Variants in RABGAP1L observed in about 807,000 individuals in gnomAD.
RABGAP1L encodes rab GTPase-activating protein 1-like.
In RABGAP1L, 63 loss-of-function variants were observed where a neutral mutation model predicts 137.7. That is an observed-to-expected ratio of 0.46 (90% CI 0.37 to 0.56). The LOEUF (loss-of-function observed/expected upper bound fraction) is 0.56, where lower values mean the gene tolerates loss of function less well. Among genes scored for constraint, RABGAP1L ranks in the 20% least tolerant of loss-of-function variants. The pLI is 0.00. For missense variants in RABGAP1L, 1,095 were observed against 1,244.0 expected, an observed-to-expected ratio of 0.88 and a Z score of 1.80; for synonymous variants, 431 against 433.7, an observed-to-expected ratio of 0.99 and a Z score of 0.08.
chr1:174,221,764 C>T (rs967812520), intron 3 of RABGAP1L, among the ~76,000 whole-genome samples: 1 of 152,244 alleles, frequency 6.6e-6, no homozygotes, highest in South Asian at 2.1e-4. Context: ...CAGCTCTGAT[C>T]TTGTCTATGT....
Position 174,413,286 on chromosome 1 carries a change from A to C in RABGAP1L, c.1710+19141A>C, listed in dbSNP as rs536616915. On this transcript the variant is annotated intron_variant, in intron 13 of 25. Transcript: ENST00000681986. ...TTCAATTGTATTTTGAAATTCCTTA[A>C]GTGAATTTTTTAATGACTGAAGCTG... Among the ~76,000 whole-genome samples the C allele has an allele frequency of 2.0e-5, 3 of 152,228 alleles. No individual in the cohort carries two copies. In the East Asian group the frequency reaches 5.8e-4, roughly 29 times the overall value.
chr1:174,380,392 A>C (rs1686019783), intron 12 of RABGAP1L, among the ~76,000 whole-genome samples: 1 of 151,722 alleles, frequency 6.6e-6, no homozygotes, highest in African/African-American at 2.4e-5. Flanking sequence ...CCTCTGGTAG[A>C]ATTCGGCTGT....
chr1:174,550,987 T>TATATACAC (rs1666457721), intron 13 of RABGAP1L, among the ~76,000 whole-genome samples: 1 of 99,046 alleles, frequency 1.0e-5, no homozygotes, highest in Admixed American at 9.9e-5. Context: ...TATATACATA[T>TATATACAC]ATATATATAC....
chr1:174,499,712 A>C (rs1006720643), intron 13 of RABGAP1L, among the ~76,000 whole-genome samples: 2 of 152,180 alleles, frequency 1.3e-5, no homozygotes, highest in African/African-American at 4.8e-5. Context: ...AGTGCCTGGC[A>C]CTTATTGAGG....
At chr1:174,527,862 C>T (rs1664036374) in intron 13 of RABGAP1L, among the ~76,000 whole-genome samples, 1 of 149,462 alleles carries the variant, frequency 6.7e-6, no homozygotes, top group Admixed American at 6.6e-5. Flanking sequence ...ATCCTCTTAT[C>T]CTCCTCCTGG....
Position 174,185,289 on chromosome 1 carries a change from A to G in RABGAP1L, c.-34+25632A>G, listed in dbSNP as rs184789727. Among the ~76,000 whole-genome samples, 603 of 152,364 alleles carry G rather than the reference A, an allele frequency of 4.0e-3. 3 individuals carry two copies. Among genetic ancestry groups the G allele is most frequent in the Non-Finnish European group, 6.1e-3 (418 of 68,030 alleles). On this transcript the variant is annotated intron_variant, in intron 1 of 25. Transcript: ENST00000681986. Reference sequence around the variant, plus strand: ...AAAATCTACCGGTTAGGGATCATTCAGTAAGCAAGTAAATATACCAACTGA... The same window carrying G: ...AAAATCTACCGGTTAGGGATCATTCGGTAAGCAAGTAAATATACCAACTGA...
chr1:174,577,454 C>T (rs1423686509), intron 13 of RABGAP1L, among the ~76,000 whole-genome samples: 1 of 151,982 alleles, frequency 6.6e-6, no homozygotes, highest in South Asian at 2.1e-4. Flanking sequence ...GTGCTTAGAA[C>T]AGTACCTGGC....
At chr1:174,662,426 T>A (rs1376713879) in intron 14 of RABGAP1L, among the ~76,000 whole-genome samples, 1 of 150,414 alleles carries the variant, frequency 6.6e-6, no homozygotes, top group Non-Finnish European at 1.5e-5. Flanking sequence ...TGTTTGTTTG[T>A]TTGTTTTTGA....
chr1:174,283,190 G>T lies in RABGAP1L; in HGVS notation c.1323+4411G>T, dbSNP rs569926256. The stretch of plus-strand genomic sequence containing the variant: ...GGTTGAGGCAGGAGGATCACTTGAG[G>T]CCAGGAGTTTGAGACCAGCCTAGGC... On this transcript the variant is annotated intron_variant, in intron 10 of 25. Transcript: ENST00000681986. Among the ~76,000 whole-genome samples the T allele has an allele frequency of 2.0e-5, 3 of 151,912 alleles. No homozygotes were observed. The East Asian group carries it at 5.9e-4, about 30-fold the overall frequency.
intron 19 of RABGAP1L, among the ~76,000 whole-genome samples, chr1:174,812,274 A>G (rs1042690921): frequency 3.9e-5 from 6 of 152,214 alleles, no homozygotes; most frequent in African/African-American, 1.4e-4. Flanking sequence ...AGCTTTTGCC[A>G]TCTGTTTTAA....
At chr1:174,812,977 G>C (rs1007092314) in intron 19 of RABGAP1L, among the ~76,000 whole-genome samples, 2 of 152,198 alleles carry the variant, frequency 1.3e-5, no homozygotes, top group African/African-American at 4.8e-5. Context: ...GGAGTGAAGT[G>C]AATGAAATGG....
In RABGAP1L at chr1:174,981,909, T is replaced by C. The variant is rs193253410; in HGVS notation, c.2734-925T>C. ...TTTGCATACTTTTTTTTCCACTTGA[T>C]TGCTATAGCACAGCACTTTTCAATC... is the stretch of plus-strand genomic sequence containing the variant. On this transcript the variant is annotated intron_variant, in intron 23 of 25. Coordinates refer to ENST00000681986, the MANE Select transcript of RABGAP1L (RefSeq NM_001366446.1). Among the ~76,000 whole-genome samples, 3 of 152,290 alleles carry C rather than the reference T, an allele frequency of 2.0e-5. No homozygotes were observed. The East Asian group carries it at 5.8e-4, about 29-fold the overall frequency.
At chr1:174,326,311 C>G (rs977861247) in intron 11 of RABGAP1L, among the ~76,000 whole-genome samples, 12 of 152,040 alleles carry the variant, frequency 7.9e-5, no homozygotes, top group African/African-American at 2.9e-4. Context: ...TTCTAGAAAA[C>G]AGAAACAATT....
At chr1:174,200,696 C>T (rs1314031577) in intron 1 of RABGAP1L, among the ~76,000 whole-genome samples, 1 of 152,142 alleles carries the variant, frequency 6.6e-6, no homozygotes, top group East Asian at 1.9e-4. Flanking sequence ...GGATTGAGAT[C>T]ATGTTTGTTT....
intron 13 of RABGAP1L, among the ~76,000 whole-genome samples, chr1:174,396,098 A>G (rs754231031): frequency 2.0e-5 from 3 of 152,180 alleles, no homozygotes; most frequent in Non-Finnish European, 4.4e-5. Context: ...TTATTTTTAT[A>G]TAAAATGTTT....
intron 20 of RABGAP1L, among the ~76,000 whole-genome samples, chr1:174,967,192 C>T (rs1423789120): frequency 1.1e-4 from 16 of 146,606 alleles, no homozygotes; most frequent in African/African-American, 3.8e-4. Flanking sequence ...GACACAGGTT[C>T]TCACTCTGTC....
At chr1:174,278,592 C>T (rs189881403) in intron 9 of RABGAP1L, 21 bp from the exon 10 acceptor site, 3 of 1,588,868 alleles carry the variant, frequency 1.9e-6, no homozygotes, top group South Asian at 2.3e-5. Context: ...TCGCATAAAA[C>T]CCAGAAAATT....
intron 14 of RABGAP1L, among the ~76,000 whole-genome samples, chr1:174,668,837 G>T (rs1195532407): frequency 6.6e-6 from 1 of 152,050 alleles, no homozygotes; most frequent in Non-Finnish European, 1.5e-5. Flanking sequence ...TTGTGGTTTT[G>T]ATTTGCATTT....
At chr1:174,237,116 T>G (rs373028584) in intron 4 of RABGAP1L, among the ~76,000 whole-genome samples, 1 of 151,532 alleles carries the variant, frequency 6.6e-6, no homozygotes, top group Admixed American at 6.6e-5. Flanking sequence ...GTTTTCCATT[T>G]GCTTGGTAGA....
Sources: gnomAD v4.1 joint callset for allele counts (sites outside exome capture counted in the v4.1 genomes callset) on GRCh38, gnomAD v4.1.1 for gene constraint, MANE v1.5 for transcripts, NCBI Gene and HGNC (gene_info 2026-07-23, HGNC 2026-07-21) for gene names.